Variants in ADGRL2 observed in about 807,000 individuals in gnomAD.
ADGRL2 encodes the protein adhesion G protein-coupled receptor L2, also known as calcium-independent alpha-latrotoxin receptor 2.
ADGRL2 carries 44 observed loss-of-function variants against 157.4 expected under a neutral mutation model. The observed-to-expected ratio is 0.28, with a 90% CI of 0.22 to 0.36. ADGRL2 has a LOEUF of 0.36. Among genes scored for constraint, ADGRL2 ranks in the 10% least tolerant of loss-of-function variants. The pLI, the probability that ADGRL2 is intolerant of heterozygous loss-of-function variation, is 1.00. For synonymous variants in ADGRL2, 585 were observed against 624.7 expected, an observed-to-expected ratio of 0.94 and a Z score of 0.95; for missense variants, 1,510 against 1,768.9, an observed-to-expected ratio of 0.85 and a Z score of 2.63.
chr1:81,899,356 G>A (rs3790914), intron 2 of ADGRL2, among the ~76,000 whole-genome samples: 41,245 of 152,020 alleles, frequency 0.27, 6,280 homozygotes, highest in Non-Finnish European at 0.32. Flanking sequence ...CCATCCGGTA[G>A]CAGTGCATCT....
At chr1:81,509,284 G>A (rs550860175) in intron 2 of ADGRL2, among the ~76,000 whole-genome samples, 34 of 152,102 alleles carry the variant, frequency 2.2e-4, no homozygotes, top group African/African-American at 8.0e-4. Context: ...TGGAGACAAT[G>A]TAGCCCTCAT....
intron 2 of ADGRL2, chr1:81,506,222 C>G (rs1359290791): frequency 6.6e-6 from 1 of 152,444 alleles, no homozygotes; most frequent in African/African-American, 2.4e-5. Flanking sequence ...ATATTAAGAA[C>G]TTGGAGGAAA....
intron 10 of ADGRL2, among the ~76,000 whole-genome samples, chr1:81,953,493 A>G (rs1466075975): frequency 1.3e-5 from 2 of 152,200 alleles, no homozygotes; most frequent in Non-Finnish European, 2.9e-5. Context: ...AGTCATTTCT[A>G]GAATCAGGTT....
chr1:81,366,192 T>A (rs1179006118), intron 1 of ADGRL2, among the ~76,000 whole-genome samples: 1 of 152,060 alleles, frequency 6.6e-6, no homozygotes, highest in Non-Finnish European at 1.5e-5. Flanking sequence ...ACTACAGTAA[T>A]GTTTAAGAGT....
chr1:81,546,654 ATCT>A (rs2080025303), intron 2 of ADGRL2, among the ~76,000 whole-genome samples: 1 of 152,180 alleles, frequency 6.6e-6, no homozygotes, highest in African/African-American at 2.4e-5. Flanking sequence ...TGTTGATTCA[ATCT>A]TATTAGGCAA....
rs557105480 is a variant in ADGRL2, at chr1:81,623,107, C to T, written c.-143+42127C>T. On this transcript the variant is annotated intron_variant, in intron 3 of 24. Coordinates refer to the ADGRL2 transcript ENST00000370721. ...GGGGTGGAGCAACAATTCTTTATTG[C>T]TCTAAGCTTATAGCTGTTACTGATG... Among the ~76,000 whole-genome samples, 8 of 152,232 alleles carry T rather than the reference C, an allele frequency of 5.3e-5. No homozygotes were observed. The South Asian group carries it at 1.0e-3, about 20-fold the overall frequency.
intron 3 of ADGRL2, among the ~76,000 whole-genome samples, chr1:81,629,320 G>A (rs1460730498): frequency 2.0e-5 from 3 of 152,062 alleles, no homozygotes; most frequent in African/African-American, 7.2e-5. Context: ...CATATTGAAT[G>A]CCTGAAGGTA....
intron 3 of ADGRL2, among the ~76,000 whole-genome samples, chr1:81,610,229 G>GTGTTT (rs2081513254): frequency 7.8e-6 from 1 of 127,392 alleles, no homozygotes; most frequent in African/African-American, 3.0e-5. Flanking sequence ...TGGCTTGGAG[G>GTGTTT]TTTTTTTTTT....
chr1:81,426,641 G>T, intron 1 of ADGRL2: 1 of 475,990 alleles, frequency 2.1e-6, no homozygotes, highest in Non-Finnish European at 4.1e-6. Context: ...CACACTCACA[G>T]ATTGTATGGT....
chr1:81,342,300 C>CAA (rs748088636), intron 1 of ADGRL2, among the ~76,000 whole-genome samples: 12 of 152,140 alleles, frequency 7.9e-5, no homozygotes, highest in Non-Finnish European at 1.6e-4. Context: ...ATAGAAATTA[C>CAA]AACAAATACT....
chr1:81,334,651 C>T (rs1661510043), intron 1 of ADGRL2, among the ~76,000 whole-genome samples: 1 of 152,198 alleles, frequency 6.6e-6, no homozygotes. Flanking sequence ...ACAGGGCTGC[C>T]TATGAGTAGT....
At chr1:81,408,257 G>T (rs954365948) in intron 1 of ADGRL2, among the ~76,000 whole-genome samples, 6 of 152,014 alleles carry the variant, frequency 3.9e-5, no homozygotes, top group African/African-American at 1.5e-4. Context: ...TTTTCATTTT[G>T]TGAAATTACA....
chr1:81,659,021 G>T (rs1393320579), intron 3 of ADGRL2, among the ~76,000 whole-genome samples: 1 of 148,110 alleles, frequency 6.8e-6, no homozygotes, highest in South Asian at 2.1e-4. Flanking sequence ...CAAAGTGCTG[G>T]GTTTACAGGC....
At chr1:81,739,827 G>A (rs1409743285) in intron 1 of ADGRL2, among the ~76,000 whole-genome samples, 1 of 152,090 alleles carries the variant, frequency 6.6e-6, no homozygotes, top group Non-Finnish European at 1.5e-5. Flanking sequence ...AGGCATTAGG[G>A]GTGCCTTAGC....
chr1:81,454,157 A>C (rs2077754919), intron 2 of ADGRL2, among the ~76,000 whole-genome samples: 1 of 151,440 alleles, frequency 6.6e-6, no homozygotes. Context: ...TGAACATCTC[A>C]ATCCTCACTC....
chr1:81,936,027 T>C (rs1557947197), intron 3 of ADGRL2, among the ~76,000 whole-genome samples: 1 of 151,918 alleles, frequency 6.6e-6, no homozygotes, highest in Non-Finnish European at 1.5e-5. Flanking sequence ...ATCTCATTAA[T>C]TATATAGGCA....
intron 2 of ADGRL2, among the ~76,000 whole-genome samples, chr1:81,858,029 G>A (rs970101032): frequency 2.6e-5 from 4 of 152,032 alleles, no homozygotes; most frequent in Admixed American, 6.6e-5. Flanking sequence ...GGTTAGTTGC[G>A]ATTAGGGAAA....
intron 3 of ADGRL2, among the ~76,000 whole-genome samples, chr1:81,627,923 A>G (rs2148739154): frequency 6.6e-6 from 1 of 152,310 alleles, no homozygotes; most frequent in South Asian, 2.1e-4. Flanking sequence ...ATCCTTGACT[A>G]GTTGATTCAA....
chr1:81,624,632 A>G (rs2081871601), intron 3 of ADGRL2, among the ~76,000 whole-genome samples: 1 of 152,206 alleles, frequency 6.6e-6, no homozygotes. Context: ...ATTGGAGAAC[A>G]TACTGGTCAG....
Sources: allele counts gnomAD v4.1 joint callset (sites outside exome capture counted in the v4.1 genomes callset), GRCh38; gene constraint gnomAD v4.1.1; transcripts MANE v1.5; gene names NCBI Gene and HGNC (gene_info 2026-07-23, HGNC 2026-07-21).